TBC1D9: variants seen among roughly 807,000 people sequenced by gnomAD.
TBC1D9 encodes the protein TBC1 domain family member 9A.
Under a neutral mutation model 132.0 loss-of-function variants are expected in TBC1D9, and 63 were observed. That is an observed-to-expected ratio of 0.48 (90% confidence interval 0.39 to 0.59). TBC1D9 has a LOEUF of 0.59. TBC1D9 is among the 20% of genes least tolerant of loss of function. The pLI is 0.00. For missense variants in TBC1D9, 1,261 were observed against 1,592.7 expected (o/e 0.79, Z 3.54); for synonymous variants, 610 against 609.9 (o/e 1.00, Z 0.00).
chr4:140,630,648 T>C (rs1449353016), intron 16 of TBC1D9, among the ~76,000 whole-genome samples: 1 of 152,182 alleles, frequency 6.6e-6, no homozygotes, highest in Non-Finnish European at 1.5e-5. Context: ...GTTTTTCGAG[T>C]GGTGAGCAGC....
In TBC1D9 at chr4:140,622,232, G is replaced by A. The variant is rs566605542; in HGVS notation, c.3764C>T (p.Ser1255Leu). 1.8e-4 allele frequency: 285 copies of A among 1,593,040 alleles called. 1 individual carries two copies. The South Asian group carries it at 2.7e-3, about 15-fold the overall frequency. ...GGCCGAGATTTCATAGTCACTGGCC[G>A]AGGTGAGGGGCTTGCCCATCATCCG... ...NIRMMGKPLT[S>L]ASDYEISAMS... Residue 1255 changes from serine (S) to leucine (L), a missense_variant, in exon 21 of 21, where the codon TCG becomes TTG. This residue lies in a region of TBC1D9 where 618 missense variants were observed against 724.4 expected (regional missense o/e 0.85). Transcript: ENST00000442267.
chr4:140,644,859 C>G (rs145331931), intron 13 of TBC1D9: 3 of 427,474 alleles, frequency 7.0e-6, no homozygotes, highest in African/African-American at 2.1e-5. Flanking sequence ...ACAGCTGGCC[C>G]GACTGGGAGT....
At chr4:140,683,214 T>C (rs1225221051) in intron 3 of TBC1D9, among the ~76,000 whole-genome samples, 1 of 152,136 alleles carries the variant, frequency 6.6e-6, no homozygotes, top group Non-Finnish European at 1.5e-5. Context: ...TGCTTTTATA[T>C]ATGAGAGTAA....
At chr4:140,642,908 G>A in intron 13 of TBC1D9, 8 of 590,246 alleles carry the variant, frequency 1.4e-5, no homozygotes, top group South Asian at 4.5e-5. Flanking sequence ...GCCTGTCCTC[G>A]GAGTCCCGGC....
chr4:140,750,247 G>C (rs1216404203), intron 1 of TBC1D9, among the ~76,000 whole-genome samples: 1 of 151,932 alleles, frequency 6.6e-6, no homozygotes, highest in Non-Finnish European at 1.5e-5. Flanking sequence ...AGGGATAAGA[G>C]TATGTACAAT....
At position 140,662,100 on chromosome 4, in the gene TBC1D9, G is replaced by A. The variant is rs1170550740; in HGVS notation, c.1596C>T (p.Ile532=). 1.9e-6 allele frequency: 3 copies of A among 1,613,230 alleles called. No homozygotes were observed. Among genetic ancestry groups the A allele is most frequent in the South Asian group, 1.1e-5 (1 of 91,076 alleles). ...ACCCAGGATGTGTGGCCTTCTCATT[G>A]ATGGCACCTGAGATATATCCAACAG... ...GELWLLLSGA[I]NEKATHPGYY... Residue 532 remains isoleucine (I), a synonymous_variant, in exon 10 of 21, where the codon ATC becomes ATT. Coordinates refer to ENST00000442267, the MANE Select transcript of TBC1D9 (RefSeq NM_015130.3).
chr4:140,698,392 T>C (rs563513645), intron 2 of TBC1D9, among the ~76,000 whole-genome samples: 46 of 152,326 alleles, frequency 3.0e-4, no homozygotes, highest in Middle Eastern at 6.8e-3. Context: ...TCATGGGCTG[T>C]GTAAACAATG....
At chr4:140,642,395 G>T in intron 13 of TBC1D9, 1 of 846,740 alleles carries the variant, frequency 1.2e-6, no homozygotes, top group Non-Finnish European at 2.0e-6. Context: ...GAGACAGGCC[G>T]GAGGCCCTTG....
chr4:140,662,788 T>C (rs139928426), intron 9 of TBC1D9, among the ~76,000 whole-genome samples: 79 of 152,318 alleles, frequency 5.2e-4, no homozygotes, highest in Admixed American at 1.0e-3. Context: ...AAAAACCCTA[T>C]ATGCAAGTAT....
At chr4:140,737,755 C>T (rs115569317) in intron 1 of TBC1D9, among the ~76,000 whole-genome samples, 103 of 152,272 alleles carry the variant, frequency 6.8e-4, no homozygotes, top group African/African-American at 2.2e-3. Flanking sequence ...AAGCACAATA[C>T]TAAATCCCTG....
intron 3 of TBC1D9, among the ~76,000 whole-genome samples, chr4:140,680,972 T>A (rs1737694794): frequency 2.6e-5 from 4 of 152,236 alleles, no homozygotes; most frequent in Admixed American, 2.6e-4. Context: ...TTTGTTTTAA[T>A]GTTTTAATTT....
intron 2 of TBC1D9, among the ~76,000 whole-genome samples, chr4:140,699,533 C>T (rs77858539): frequency 0.02 from 2,980 of 152,212 alleles, 101 homozygotes; most frequent in African/African-American, 0.063. Context: ...AATCTACTGC[C>T]CCTGTCTAAT....
At chr4:140,746,812 G>A (rs1738843451) in intron 1 of TBC1D9, among the ~76,000 whole-genome samples, 1 of 152,058 alleles carries the variant, frequency 6.6e-6, no homozygotes, top group Non-Finnish European at 1.5e-5. Context: ...AAAATCATGG[G>A]AGCTACAACT....
chr4:140,652,948 G>A (rs1737209609), intron 13 of TBC1D9, among the ~76,000 whole-genome samples: 1 of 152,204 alleles, frequency 6.6e-6, no homozygotes, highest in South Asian at 2.1e-4. Context: ...TGATAGCTGT[G>A]TACCCACTTT....
chr4:140,730,322 C>T (rs776722121), intron 1 of TBC1D9, among the ~76,000 whole-genome samples: 8 of 152,172 alleles, frequency 5.3e-5, no homozygotes, highest in Non-Finnish European at 8.8e-5. Flanking sequence ...GGAAAAAGCC[C>T]TCTGCCTTAC....
chr4:140,753,846 A>C (rs991099531), intron 1 of TBC1D9, among the ~76,000 whole-genome samples: 6 of 152,362 alleles, frequency 3.9e-5, no homozygotes, highest in African/African-American at 1.4e-4. Flanking sequence ...AACTTACATT[A>C]GAATCAGAAT....
At chr4:140,735,739 A>C (rs745711529) in intron 1 of TBC1D9, among the ~76,000 whole-genome samples, 22 of 152,324 alleles carry the variant, frequency 1.4e-4, no homozygotes, top group Non-Finnish European at 2.6e-4. Flanking sequence ...AAAAGTGTAC[A>C]TGTCAAAGTT....
At chr4:140,705,324 C>T (rs143568235) in intron 1 of TBC1D9, among the ~76,000 whole-genome samples, 22 of 152,234 alleles carry the variant, frequency 1.4e-4, no homozygotes, top group African/African-American at 5.3e-4. Context: ...CTCTATAATG[C>T]CTATTACATT....
At chr4:140,734,051 C>T (rs1178052909) in intron 1 of TBC1D9, among the ~76,000 whole-genome samples, 2 of 152,144 alleles carry the variant, frequency 1.3e-5, no homozygotes, top group East Asian at 3.9e-4. Context: ...TATTACCGAG[C>T]TGATGGCCAC....
Sources: gnomAD v4.1 joint callset for allele counts (sites outside exome capture counted in the v4.1 genomes callset) on GRCh38, gnomAD v4.1.1 for gene constraint, gnomAD v4.1.1 regional missense constraint, MANE v1.5 for transcripts, NCBI Gene and HGNC (gene_info 2026-07-23, HGNC 2026-07-21) for gene names.